Variants in INCENP observed in about 807,000 individuals in gnomAD.
INCENP encodes the protein inner centromere protein, also known as binds and activates aurora-B and -C in vivo and in vitro.
INCENP carries 43 observed loss-of-function variants against 107.3 expected under a neutral mutation model. The ratio of observed to expected loss-of-function variants is 0.40; its 90% CI spans 0.31 to 0.52. INCENP has a LOEUF of 0.52. INCENP is among the 20% of genes least tolerant of loss of function. The pLI is 0.53. For missense variants in INCENP, 1,089 were observed against 1,250.9 expected, an observed-to-expected ratio of 0.87 and a Z score of 1.95; for synonymous variants, 488 against 494.4, an observed-to-expected ratio of 0.99 and a Z score of 0.17.
chr11:62,131,471 A>T (rs1051838491), intron 4 of INCENP, among the ~76,000 whole-genome samples: 1 of 152,076 alleles, frequency 6.6e-6, no homozygotes, highest in Admixed American at 6.5e-5. Flanking sequence ...CTGCATGAGG[A>T]GGTGAATCTG....
intron 1 of INCENP, among the ~76,000 whole-genome samples, chr11:62,126,207 T>TG (rs56039493): frequency 6.8e-6 from 1 of 146,382 alleles, no homozygotes; most frequent in Admixed American, 6.8e-5. Flanking sequence ...ATGGTTTTTT[T>TG]TTTTTTGAGA....
chr11:62,131,294 C>T (rs1052371104), intron 4 of INCENP, among the ~76,000 whole-genome samples: 1 of 152,188 alleles, frequency 6.6e-6, no homozygotes, highest in Admixed American at 6.5e-5. Context: ...TGGGGCTAAT[C>T]GCGTCACTTC....
Position 62,148,539 on chromosome 11 carries a change from G to T in INCENP, c.2268G>T (p.Glu756Asp). Residue 756 changes from glutamate (E) to aspartate (D), a missense_variant, in exon 16 of 19, where the codon GAG becomes GAT. Glu to Asp is a conservative substitution (Grantham distance 45). Coordinates refer to ENST00000394818, the MANE Select transcript of INCENP (RefSeq NM_001040694.2). ...AGGAGCAGCTGCAGAGGGAACTGGAGGAGAAGAAGAAGAAGGTGAGGGGAG... is the reference window on the plus strand; with the variant it reads ...AGGAGCAGCTGCAGAGGGAACTGGATGAGAAGAAGAAGAAGGTGAGGGGAG... Reference protein sequence around the residue: ...LQKEQLQRELEEKKKKEEQQR... With the variant: ...LQKEQLQRELDEKKKKEEQQR... 6.2e-7 allele frequency: 1 copy of T among 1,607,600 alleles called. No homozygotes were observed. Among genetic ancestry groups the T allele is most frequent in the Non-Finnish European group, 8.5e-7 (1 of 1,178,036 alleles).
Position 62,129,820 on chromosome 11 carries a change from C to T in INCENP, c.293C>T (p.Ser98Phe), listed in dbSNP as rs200416661. 9 of 1,610,656 alleles carry T rather than the reference C, an allele frequency of 5.6e-6. No individual in the cohort carries two copies. The African/African-American group carries it at 9.3e-5, about 17-fold the overall frequency. ...AAGTCTCGGAGCAGCCAGCTGAGCT[C>T]CCGACGCCTCCGCAGCAAGGACAGT... ...RRKSRSSQLS[S>F]RRLRSKDSVE... The change falls in exon 4 of 19, where the codon TCC (serine) becomes TTC (phenylalanine). Residue 98 changes from serine (S) to phenylalanine (F), a missense_variant. Physicochemically the swap from Ser to Phe is radical, Grantham distance 155. Coordinates refer to ENST00000394818, the MANE Select transcript of INCENP (RefSeq NM_001040694.2).
intron 3 of INCENP, 32 bp from the exon 4 acceptor site, chr11:62,129,750 C>G (rs768996538): frequency 6.4e-7 from 1 of 1,565,622 alleles, no homozygotes; most frequent in Non-Finnish European, 8.7e-7. Flanking sequence ...TCCTGCTGCC[C>G]GTCTCAGCCT....
chr11:62,130,315 C>T lies in INCENP; in HGVS notation c.788C>T (p.Ser263Phe), dbSNP rs1943860781. 6.2e-7 allele frequency: 1 copy of T among 1,611,448 alleles called. No individual in the cohort carries two copies. The highest frequency in any genetic ancestry group is 1.3e-5 in the African/African-American group (1 of 74,948). ...TCTAAGCTCAGGATTGCGCAGGTCT[C>T]CCCTGGCCCACGGGACTCGCCAGCC... is the stretch of plus-strand genomic sequence containing the variant. ...SASKLRIAQV[S>F]PGPRDSPAFP... is the part of the protein sequence containing the mutation. The change falls in exon 4 of 19, where the codon TCC becomes TTC. Residue 263 changes from serine (S) to phenylalanine (F), a missense_variant. Transcript: ENST00000394818.
intron 17 of INCENP, 120 bp downstream of exon 17, chr11:62,148,966 C>A: frequency 3.8e-6 from 2 of 524,588 alleles, no homozygotes; most frequent in Non-Finnish European, 6.7e-6. Context: ...TACACTTGGC[C>A]CAATTGTTTT....
chr11:62,125,212 CCT>C (rs1285707048), intron 1 of INCENP, among the ~76,000 whole-genome samples: 2 of 152,180 alleles, frequency 1.3e-5, no homozygotes, highest in East Asian at 1.9e-4. Context: ...TTCAGGGTCA[CCT>C]CTGTTTTAAC....
At chr11:62,148,683 G>A in intron 16 of INCENP, 56 bp from the exon 17 acceptor site, 3 of 1,449,618 alleles carry the variant, frequency 2.1e-6, no homozygotes, top group Non-Finnish European at 9.4e-7. Flanking sequence ...GGAAGGGGAG[G>A]GGAGGGAAGG....
chr11:62,138,969 G>A lies in INCENP; in HGVS notation c.1255G>A (p.Ala419Thr). Residue 419 changes from alanine (A) to threonine (T), a missense_variant, in exon 7 of 19, where the codon GCC becomes ACC. By Grantham distance (58) the Ala-to-Thr change is moderately conservative. Transcript: ENST00000394818. The part of the protein sequence containing the change: ...ANSTPNPKPA[A>T]SSPETPSAGQ... Reference sequence around the variant, plus strand: ...CAGCACACCCAACCCGAAGCCTGCAGCCAGCAGCCCGGAAACACCCTCTGC... The same window carrying A: ...CAGCACACCCAACCCGAAGCCTGCAACCAGCAGCCCGGAAACACCCTCTGC... 2 of 1,614,104 alleles carry A rather than the reference G, an allele frequency of 1.2e-6. No individual in the cohort carries two copies. The highest frequency in any genetic ancestry group is 1.7e-6 in the Non-Finnish European group (2 of 1,179,976).
intron 4 of INCENP, among the ~76,000 whole-genome samples, chr11:62,132,378 C>T (rs1219782797): frequency 6.6e-6 from 1 of 152,180 alleles, no homozygotes; most frequent in Admixed American, 6.5e-5. Context: ...GGGAGGGCAC[C>T]TCACCTTGGC....
At chr11:62,140,167 A>G in intron 7 of INCENP, 67 bp from the exon 8 acceptor site, 2 of 1,421,574 alleles carry the variant, frequency 1.4e-6, no homozygotes, top group Non-Finnish European at 2.0e-6. Context: ...CCTTCCCCCT[A>G]CACCCCCATT....
In INCENP at chr11:62,138,750, G is replaced by A; in HGVS notation, c.1153G>A (p.Val385Met). The change falls in exon 6 of 19, where the codon GTG (valine) becomes ATG (methionine). Residue 385 changes from valine to methionine, a missense_variant. Coordinates refer to ENST00000394818, the MANE Select transcript of INCENP (RefSeq NM_001040694.2). ...GGAACCCCCCGAGGAGGCTGAGCCT[G>A]TGGCGGCAGCTGAGCCAGAGGTAAG... is the stretch of plus-strand genomic sequence containing the variant. ...QKEPPEEAEP[V>M]AAAEPEVPEN... The A allele has an allele frequency of 6.2e-7, 1 of 1,614,116 alleles. No homozygotes were observed. Among genetic ancestry groups the A allele is most frequent in the East Asian group, 2.2e-5 (1 of 44,880 alleles).
At chr11:62,138,829 G>A (rs533179828) in intron 6 of INCENP, 59 bp downstream of exon 6, 49 of 1,603,072 alleles carry the variant, frequency 3.1e-5, no homozygotes, top group South Asian at 4.4e-5. Flanking sequence ...TCTGCACTAC[G>A]GCCATCCTGG....
At chr11:62,132,080 C>T (rs186189345) in intron 4 of INCENP, among the ~76,000 whole-genome samples, 11 of 152,308 alleles carry the variant, frequency 7.2e-5, no homozygotes, top group Admixed American at 4.6e-4. Flanking sequence ...TGAGCTACTG[C>T]GCCCAGCCCA....
intron 4 of INCENP, 127 bp downstream of exon 4, chr11:62,130,717 T>C: frequency 1.2e-6 from 1 of 809,824 alleles, no homozygotes; most frequent in Non-Finnish European, 1.9e-6. Flanking sequence ...GTTACACATC[T>C]GTGCTGTCCT....
chr11:62,144,195 G>T (rs1944185401), intron 11 of INCENP, among the ~76,000 whole-genome samples: 1 of 152,256 alleles, frequency 6.6e-6, no homozygotes. Context: ...AGCTGGGTGT[G>T]GTGGCACATG....
chr11:62,144,920 T>G (rs1039661860), intron 11 of INCENP, 62 bp from the exon 12 acceptor site: 31 of 1,459,176 alleles, frequency 2.1e-5, no homozygotes, highest in Admixed American at 9.2e-5. Context: ...GGGCAGCTTT[T>G]GGGGCTGGGT....
chr11:62,144,335 C>CAAAAAAAAA (rs3972386), intron 11 of INCENP, among the ~76,000 whole-genome samples: 1 of 133,870 alleles, frequency 7.5e-6, no homozygotes, highest in African/African-American at 2.8e-5. Context: ...TGTCTCCACA[C>CAAAAAAAAA]AAAAAAAAAA....
Sources: allele counts gnomAD v4.1 joint callset (sites outside exome capture counted in the v4.1 genomes callset), GRCh38; gene constraint gnomAD v4.1.1; transcripts MANE v1.5; gene names NCBI Gene and HGNC (gene_info 2026-07-23, HGNC 2026-07-21).